The following NEO1 variants were observed in gnomAD, a reference collection of about 807,000 sequenced individuals.
NEO1 encodes neogenin.
Under a neutral mutation model 159.7 loss-of-function variants are expected in NEO1, and 63 were observed. The observed-to-expected ratio is 0.39, with a 90% confidence interval of 0.32 to 0.49. NEO1 has a LOEUF of 0.49. Among genes scored for constraint, NEO1 ranks in the 20% least tolerant of loss-of-function variants. NEO1 has a pLI of 0.85. For missense variants in NEO1, 1,615 were observed against 1,831.0 expected (o/e 0.88, Z 2.15); for synonymous variants, 633 against 662.0 (o/e 0.96, Z 0.67).
intron 1 of NEO1, among the ~76,000 whole-genome samples, chr15:73,060,327 G>A (rs1373123035): frequency 6.6e-6 from 1 of 152,064 alleles, no homozygotes; most frequent in Non-Finnish European, 1.5e-5. Flanking sequence ...GTACTGGTGC[G>A]ATCTTGGCTC....
chr15:73,078,701 A>G (rs142511869), intron 1 of NEO1, among the ~76,000 whole-genome samples: 7 of 152,310 alleles, frequency 4.6e-5, no homozygotes, highest in East Asian at 1.9e-4. Context: ...TTTTCCTTGT[A>G]TCTTTCTGCA....
chr15:73,130,853 G>A lies in NEO1; in HGVS notation c.878+4283G>A, dbSNP rs1567268767. On this transcript the variant is annotated intron_variant, in intron 4 of 28. Transcript: ENST00000261908. ...GTAGTAGCAAGGCTCGCTTCATGGTGTCAACACCATGTGACCATGTGGGGG... is the reference window on the plus strand; with the variant it reads ...GTAGTAGCAAGGCTCGCTTCATGGTATCAACACCATGTGACCATGTGGGGG... 2.0e-5 allele frequency among the ~76,000 whole-genome samples: 3 copies of A among 152,230 alleles called. No homozygotes were observed. In the South Asian group the frequency reaches 6.2e-4, roughly 31 times the overall value.
chr15:73,305,177 A>G lies in NEO1; in HGVS notation c.*2481A>G, dbSNP rs1056579529. 1 of 152,062 alleles carries G rather than the reference A, an allele frequency of 6.6e-6. No individual in the cohort carries two copies. Among genetic ancestry groups the G allele is most frequent in the Non-Finnish European group, 1.5e-5 (1 of 68,030 alleles). The allele number at this position is 152,062 out of a possible 1,614,324, so 9.4% of individuals were successfully genotyped here. On this transcript the variant is annotated 3_prime_UTR_variant, in exon 29 of 29. Transcript: ENST00000261908. ...TTCATGTTTTTATTTAGTATTGGAA[A>G]TCCAATACACTTTTTTAATCCAATC... is the stretch of plus-strand genomic sequence containing the variant.
In NEO1 at chr15:73,097,776, C is replaced by CTTTTTTTTTTTTTT. The variant is rs34165169; in HGVS notation, c.131-18755_131-18742dup. Among the ~76,000 whole-genome samples, 71 of 75,552 alleles carry CTTTTTTTTTTTTTT rather than the reference C, an allele frequency of 9.4e-4. 1 individual carries two copies. The highest frequency in any genetic ancestry group is 1.3e-3 in the East Asian group (4 of 3,118). The allele number at this position is 75,552 out of a possible 152,430, so 49.6% of individuals were successfully genotyped here. ...TTCTAATCCCAGACCTGGAACTAGC[C>CTTTTTTTTTTTTTT]TTTTTTTTTTTTTTTTTTTTTTGTA... is the stretch of plus-strand genomic sequence containing the variant. On this transcript the variant is annotated intron_variant, in intron 1 of 28. Coordinates refer to ENST00000261908, the MANE Select transcript of NEO1 (RefSeq NM_002499.4).
chr15:73,157,319 G>T (rs1567337345), intron 5 of NEO1, among the ~76,000 whole-genome samples: 1 of 152,184 alleles, frequency 6.6e-6, no homozygotes, highest in Non-Finnish European at 1.5e-5. Flanking sequence ...CCAAAGCCTG[G>T]CACTGCCACT....
At chr15:73,284,089 A>G (rs2041842741) in intron 23 of NEO1, among the ~76,000 whole-genome samples, 1 of 152,170 alleles carries the variant, frequency 6.6e-6, no homozygotes, top group Admixed American at 6.5e-5. Context: ...CTAATACCAT[A>G]CAGTCCTACA....
At chr15:73,163,658 A>C (rs2034350398) in intron 5 of NEO1, among the ~76,000 whole-genome samples, 1 of 152,180 alleles carries the variant, frequency 6.6e-6, no homozygotes, top group African/African-American at 2.4e-5. Flanking sequence ...GATCTTTTAA[A>C]ATGCTGAAAC....
chr15:73,272,367 TA>T, intron 18 of NEO1, 87 bp from the exon 19 acceptor site: 1 of 914,872 alleles, frequency 1.1e-6, no homozygotes. Context: ...TTGTGCCCTT[TA>T]TTTTGCCTTA....
At chr15:73,152,435 A>G (rs67999476) in intron 5 of NEO1, among the ~76,000 whole-genome samples, 19,857 of 152,238 alleles carry the variant, frequency 0.13, 1,777 homozygotes, top group African/African-American at 0.26. Flanking sequence ...GGACGCTCCT[A>G]GAGGGTGGTA....
At chr15:73,270,599 T>G in intron 18 of NEO1, 145 bp downstream of exon 18, 1 of 901,276 alleles carries the variant, frequency 1.1e-6, no homozygotes, top group African/African-American at 1.7e-5. Flanking sequence ...AAGTTGTGTG[T>G]TTTTAATTAC....
intron 7 of NEO1, among the ~76,000 whole-genome samples, chr15:73,192,842 G>C (rs921915498): frequency 1.3e-5 from 2 of 151,982 alleles, no homozygotes; most frequent in African/African-American, 4.8e-5. Context: ...GGTTATAGCT[G>C]AGGAATGGGA....
chr15:73,103,549 A>G (rs762351375), intron 1 of NEO1, among the ~76,000 whole-genome samples: 3 of 152,140 alleles, frequency 2.0e-5, no homozygotes, highest in African/African-American at 4.8e-5. Flanking sequence ...TGTACTTTGT[A>G]CATATCCTGT....
At chr15:73,178,223 C>T in intron 6 of NEO1, 84 bp from the exon 7 acceptor site, 20 of 1,280,158 alleles carry the variant, frequency 1.6e-5, no homozygotes, top group South Asian at 8.6e-5. Flanking sequence ...TGTTTTTTTC[C>T]TCTCCAAAAA....
chr15:73,060,125 A>G (rs1000617094), intron 1 of NEO1, among the ~76,000 whole-genome samples: 1 of 152,232 alleles, frequency 6.6e-6, no homozygotes, highest in Non-Finnish European at 1.5e-5. Context: ...GGATAGAATA[A>G]CAAATTATAA....
intron 1 of NEO1, among the ~76,000 whole-genome samples, chr15:73,061,061 T>C (rs550345451): frequency 7.2e-5 from 11 of 152,194 alleles, no homozygotes; most frequent in Non-Finnish European, 1.5e-4. Flanking sequence ...AGTAAATGCA[T>C]TTCTCCGAGT....
chr15:73,134,516 G>T (rs1354213112), intron 4 of NEO1, among the ~76,000 whole-genome samples: 2 of 151,680 alleles, frequency 1.3e-5, no homozygotes, highest in Non-Finnish European at 2.9e-5. Context: ...AGACTGTATA[G>T]TCATTTCCTC....
chr15:73,075,281 G>T (rs1245632080), intron 1 of NEO1, among the ~76,000 whole-genome samples: 1 of 152,108 alleles, frequency 6.6e-6, no homozygotes, highest in Non-Finnish European at 1.5e-5. Context: ...ATGTGATGGT[G>T]GTGCTTTGTT....
intron 1 of NEO1, among the ~76,000 whole-genome samples, chr15:73,094,268 CTT>C (rs1238766014): frequency 6.6e-6 from 1 of 152,160 alleles, no homozygotes; most frequent in Non-Finnish European, 1.5e-5. Context: ...AGATAACACT[CTT>C]TTGATTTACC....
intron 20 of NEO1, 46 bp from the exon 21 acceptor site, chr15:73,274,646 G>C: frequency 6.2e-7 from 1 of 1,603,826 alleles, no homozygotes; most frequent in South Asian, 1.1e-5. Context: ...TTCAAAGCTT[G>C]TGATCCTTGC....
Sources: allele counts gnomAD v4.1 joint callset (sites outside exome capture counted in the v4.1 genomes callset), GRCh38; gene constraint gnomAD v4.1.1; transcripts MANE v1.5; gene names NCBI Gene and HGNC (gene_info 2026-07-23, HGNC 2026-07-21).